BICRAL: variants seen among roughly 807,000 people sequenced by gnomAD.
The protein encoded by BICRAL is BICRA like chromatin remodeling complex associated protein.
BICRAL carries 8 observed loss-of-function variants against 91.8 expected under a neutral mutation model. The observed-to-expected ratio is 0.09, with a 90% CI of 0.05 to 0.16. The LOEUF (loss-of-function observed/expected upper bound fraction) is 0.16, where lower values mean the gene tolerates loss of function less well. Ranked by LOEUF, BICRAL falls within the 10% of genes least tolerant of loss-of-function variation. The pLI is 1.00. For synonymous variants in BICRAL, 445 were observed against 491.1 expected (o/e 0.91, Z 1.24); for missense variants, 1,038 against 1,310.9 (o/e 0.79, Z 3.21).
chr6:42,795,685 C>T lies in BICRAL; in HGVS notation c.-102+13584C>T, dbSNP rs58705903. Among the ~76,000 whole-genome samples, 921 of 152,242 alleles carry T rather than the reference C, an allele frequency of 6.0e-3. 10 individuals are homozygous for T. The highest frequency in any genetic ancestry group is 0.021 in the African/African-American group (890 of 41,528). ...ATGTGGATTTTGTATAATGTATATG[C>T]ACCTTTAAAATATGTTCCATTCTTT... On this transcript the variant is annotated intron_variant, in intron 1 of 12. Transcript: ENST00000314073.
At chr6:42,863,544 G>A (rs1765620780) in intron 12 of BICRAL, among the ~76,000 whole-genome samples, 1 of 152,178 alleles carries the variant, frequency 6.6e-6, no homozygotes, top group Non-Finnish European at 1.5e-5. Flanking sequence ...TTCACCCAAA[G>A]ACAAGTAGCT....
Position 42,866,736 on chromosome 6 carries a change from A to G in BICRAL, c.*1290A>G, listed in dbSNP as rs1765718289. On this transcript the variant is annotated 3_prime_UTR_variant, in exon 13 of 13. Coordinates refer to ENST00000314073, the MANE Select transcript of BICRAL (RefSeq NM_001393499.1). ...TTGGCCTGTGTTCATATTAGTGAGCATGGCTTACTGCTTTATTTATTTTTA... is the reference window on the plus strand; with the variant it reads ...TTGGCCTGTGTTCATATTAGTGAGCGTGGCTTACTGCTTTATTTATTTTTA... 2.2e-6 allele frequency: 1 copy of G among 452,344 alleles called. No homozygotes were observed. The highest frequency in any genetic ancestry group is 1.6e-5 in the South Asian group (1 of 63,946). 28.0% of individuals were successfully genotyped at this position (452,344 alleles called of 1,614,324 possible). A position where few individuals can be genotyped will look rare whatever the true frequency, so the allele number is the denominator to read the frequency against.
In BICRAL at chr6:42,829,615, C is replaced by T; in HGVS notation, c.1282C>T (p.Gln428Ter). 1 of 1,614,180 alleles carries T rather than the reference C, an allele frequency of 6.2e-7. No homozygotes were observed. The highest frequency in any genetic ancestry group is 8.5e-7 in the Non-Finnish European group (1 of 1,180,006). The change falls in exon 6 of 13, where the codon CAA becomes TAA. Residue 428 changes from glutamine to a stop codon, truncating the protein, a stop_gained. Coordinates refer to ENST00000314073, the MANE Select transcript of BICRAL (RefSeq NM_001393499.1). LOFTEE classifies it high-confidence loss of function. ...QTINGQLLQT[Q>*]PSQLISGQVA... ...TATAAATGGGCAACTTCTTCAAACT[C>T]AACCCTCTCAGCTCATTTCTGGCCA...
intron 1 of BICRAL, among the ~76,000 whole-genome samples, chr6:42,784,939 CAG>C (rs1763058161): frequency 6.6e-6 from 1 of 152,154 alleles, no homozygotes; most frequent in Admixed American, 6.6e-5. Context: ...TCCAGTGACA[CAG>C]ACACACGTTT....
chr6:42,750,422 T>C (rs2152018472), intron 1 of BICRAL, among the ~76,000 whole-genome samples: 1 of 151,316 alleles, frequency 6.6e-6, no homozygotes, highest in Non-Finnish European at 1.5e-5. Context: ...CCTCGGCCCC[T>C]GGAAGTGCTG....
At chr6:42,781,100 G>A (rs1390360884), upstream of BICRAL, among the ~76,000 whole-genome samples, 3 of 151,898 alleles carry the variant, frequency 2.0e-5, no homozygotes, top group Admixed American at 6.6e-5. Context: ...AACAATTTGA[G>A]ATTTGAGATT....
intron 1 of BICRAL, among the ~76,000 whole-genome samples, chr6:42,758,206 G>A (rs371612388): frequency 6.6e-6 from 1 of 151,990 alleles, no homozygotes; most frequent in Non-Finnish European, 1.5e-5. Flanking sequence ...ATCTGGTCTC[G>A]TTACCCTTGG....
At position 42,816,014 on chromosome 6, in the gene BICRAL, C is replaced by G. The variant is rs867152262; in HGVS notation, c.-6+5613C>G. Among the ~76,000 whole-genome samples, 971 of 129,138 alleles carry G rather than the reference C, an allele frequency of 7.5e-3. 6 individuals are homozygous for G. Among genetic ancestry groups the G allele is most frequent in the African/African-American group, 0.024 (854 of 34,864 alleles). 84.7% of individuals were successfully genotyped at this position (129,138 alleles called of 152,430 possible). ...AAAAAAAAAAAAAAAAAAAAAGATACAGTATTTCTTTTAAGACAGCTGATG... is the reference window on the plus strand; with the variant it reads ...AAAAAAAAAAAAAAAAAAAAAGATAGAGTATTTCTTTTAAGACAGCTGATG... On this transcript the variant is annotated intron_variant, in intron 2 of 12. Coordinates refer to ENST00000314073, the MANE Select transcript of BICRAL (RefSeq NM_001393499.1).
At chr6:42,779,223 A>AACAC (rs57493144), upstream of BICRAL, among the ~76,000 whole-genome samples, 3,382 of 132,434 alleles carry the variant, frequency 0.026, 47 homozygotes, top group Non-Finnish European at 0.032. Context: ...TCTCAAGAAA[A>AACAC]ACACACACAC....
At chr6:42,811,540 G>T (rs1763843421) in intron 2 of BICRAL, among the ~76,000 whole-genome samples, 1 of 151,794 alleles carries the variant, frequency 6.6e-6, no homozygotes, top group Non-Finnish European at 1.5e-5. Flanking sequence ...AGAATCACTT[G>T]AACCTGGGAG....
At chr6:42,792,879 C>T (rs1763312640) in intron 1 of BICRAL, among the ~76,000 whole-genome samples, 1 of 151,482 alleles carries the variant, frequency 6.6e-6, no homozygotes, top group African/African-American at 2.4e-5. Context: ...TGCCACTGCA[C>T]TCCAGACTGG....
chr6:42,773,397 A>T lies in BICRAL; in HGVS notation c.-260-8442A>T, dbSNP rs944523848. ...CTGGCTGCAATTAAAAAAAAAAATT[A>T]AAAAAATACAAAGCATCGCCATGTT... On this transcript the variant is annotated intron_variant, in intron 1 of 14. Coordinates refer to the BICRAL transcript ENST00000614467. Among the ~76,000 whole-genome samples, 7 of 152,210 alleles carry T rather than the reference A, an allele frequency of 4.6e-5. No individual in the cohort carries two copies. In the South Asian group the frequency reaches 8.3e-4, roughly 18 times the overall value.
chr6:42,826,806 G>A lies in BICRAL; in HGVS notation c.160-1687G>A, dbSNP rs541953751. Among the ~76,000 whole-genome samples the A allele has an allele frequency of 2.1e-3, 314 of 150,632 alleles. 3 individuals are homozygous for A. Among genetic ancestry groups the A allele is most frequent in the African/African-American group, 7.3e-3 (298 of 40,854 alleles). On this transcript the variant is annotated intron_variant, in intron 5 of 12. Coordinates refer to ENST00000314073, the MANE Select transcript of BICRAL (RefSeq NM_001393499.1). Reference sequence around the variant, plus strand: ...TCTTGTTTGTTTGTTTTTTTTTTGAGACAAAGTTTCGCTCTTGTTGCCCAG... The same window carrying A: ...TCTTGTTTGTTTGTTTTTTTTTTGAAACAAAGTTTCGCTCTTGTTGCCCAG...
At chr6:42,818,899 T>A (rs1764065065) in intron 2 of BICRAL, among the ~76,000 whole-genome samples, 1 of 152,224 alleles carries the variant, frequency 6.6e-6, no homozygotes. Flanking sequence ...CAGTTTTAAA[T>A]ATTAGCTTTA....
chr6:42,765,144 A>G (rs537703415), intron 1 of BICRAL, among the ~76,000 whole-genome samples: 75 of 152,266 alleles, frequency 4.9e-4, no homozygotes, highest in African/African-American at 1.1e-3. Flanking sequence ...GTGAGAACCT[A>G]TTTGTGCTGC....
intron 1 of BICRAL, among the ~76,000 whole-genome samples, chr6:42,783,570 G>C (rs934180731): frequency 6.6e-6 from 1 of 152,162 alleles, no homozygotes; most frequent in African/African-American, 2.4e-5. Context: ...CCAGGGCGCC[G>C]CGAGGCCCGG....
intron 2 of BICRAL, among the ~76,000 whole-genome samples, chr6:42,813,687 A>AT (rs1377001450): frequency 1.3e-5 from 2 of 151,884 alleles, no homozygotes; most frequent in Admixed American, 6.6e-5. Context: ...TGCCCAGCTA[A>AT]TTTTTTTATT....
chr6:42,804,009 T>A (rs1287827841), intron 1 of BICRAL, among the ~76,000 whole-genome samples: 1 of 152,048 alleles, frequency 6.6e-6, no homozygotes, highest in African/African-American at 2.4e-5. Context: ...TTTGTTATTG[T>A]TGTTGTGTTT....
intron 8 of BICRAL, among the ~76,000 whole-genome samples, chr6:42,854,878 C>A (rs975041963): frequency 1.2e-4 from 18 of 152,108 alleles, no homozygotes; most frequent in African/African-American, 4.3e-4. Flanking sequence ...ATTTTCAGGG[C>A]ACATTTGATA....
Sources: allele counts gnomAD v4.1 joint callset (sites outside exome capture counted in the v4.1 genomes callset), GRCh38; gene constraint gnomAD v4.1.1; transcripts MANE v1.5; gene names NCBI Gene and HGNC (gene_info 2026-07-23, HGNC 2026-07-21).